The following ST7 variants were observed in gnomAD, a reference collection of about 807,000 sequenced individuals.
The protein encoded by ST7 is suppression of tumorigenicity 7, also known as suppressor of tumorigenicity 7 protein.
In ST7, 28 loss-of-function variants were observed where a neutral mutation model predicts 78.7. That is an observed-to-expected ratio of 0.36 (90% CI 0.26 to 0.49). ST7 has a LOEUF of 0.49. Ranked by LOEUF, ST7 falls within the 20% of genes least tolerant of loss-of-function variation. The pLI is 0.99. For synonymous variants in ST7, 247 were observed against 249.6 expected (o/e 0.99, Z 0.10); for missense variants, 418 against 696.0 (o/e 0.60, Z 4.49).
chr7:117,170,318 T>C (rs575313184), intron 9 of ST7, among the ~76,000 whole-genome samples: 111 of 152,344 alleles, frequency 7.3e-4, no homozygotes, highest in South Asian at 2.5e-3. Flanking sequence ...TACAAAATAA[T>C]AATTGATATG....
At chr7:117,064,673 A>G (rs1798537679) in intron 1 of ST7, among the ~76,000 whole-genome samples, 1 of 152,226 alleles carries the variant, frequency 6.6e-6, no homozygotes. Context: ...AAGCTGTTTT[A>G]TAGCAAATGT....
chr7:117,036,968 A>T (rs1441366548), intron 1 of ST7, among the ~76,000 whole-genome samples: 1 of 152,082 alleles, frequency 6.6e-6, no homozygotes. Context: ...TGTGCTTCCT[A>T]ATAAGCTTCC....
intron 1 of ST7, among the ~76,000 whole-genome samples, chr7:117,067,013 G>C (rs972386670): frequency 1.3e-5 from 2 of 151,994 alleles, no homozygotes; most frequent in African/African-American, 4.8e-5. Flanking sequence ...TTGGCCTTTT[G>C]TGAATGGCTT....
At chr7:116,982,479 C>T (rs979270610) in intron 1 of ST7, among the ~76,000 whole-genome samples, 1 of 152,170 alleles carries the variant, frequency 6.6e-6, no homozygotes, top group African/African-American at 2.4e-5. Flanking sequence ...CTGCCTCGGC[C>T]TCCCCATTTA....
rs542598687 is a variant in ST7 at position 117,021,113 on chromosome 7, G to A, written c.151+67422G>A. 2.6e-5 allele frequency among the ~76,000 whole-genome samples: 4 copies of A among 152,194 alleles called. No homozygotes were observed. The East Asian group carries it at 7.7e-4, about 29-fold the overall frequency. ...TTATAGGTAGATTCAGAATGAGTAAGAAATCGCTTTATTTTTGAGGATGGA... is the reference window on the plus strand; with the variant it reads ...TTATAGGTAGATTCAGAATGAGTAAAAAATCGCTTTATTTTTGAGGATGGA... On this transcript the variant is annotated intron_variant, in intron 1 of 15. Coordinates refer to ENST00000323984, the MANE Select transcript of ST7 (RefSeq NM_001369598.1).
chr7:117,035,032 G>A (rs899479855), intron 1 of ST7, among the ~76,000 whole-genome samples: 3 of 151,628 alleles, frequency 2.0e-5, no homozygotes, highest in Non-Finnish European at 2.9e-5. Flanking sequence ...CTGTGGTGTC[G>A]CAACATGAAT....
Position 116,979,156 on chromosome 7 carries a change from CTCCCACCCTATTAA to C in ST7, c.151+25470_151+25483del, listed in dbSNP as rs1793834565. ...GAGAAAACGCTCTGTGCCTATTTTT[CTCCCACCCTATTAA>C]TCCCCTGTTGGGGTCTTTCATTGGC... On this transcript the variant is annotated intron_variant, in intron 1 of 15. Transcript: ENST00000323984. Among the ~76,000 whole-genome samples the C allele has an allele frequency of 3.3e-5, 5 of 152,268 alleles. No individual in the cohort carries two copies. The East Asian group carries it at 9.7e-4, about 29-fold the overall frequency.
At chr7:117,168,893 T>C (rs1807765251) in intron 9 of ST7, among the ~76,000 whole-genome samples, 1 of 152,250 alleles carries the variant, frequency 6.6e-6, no homozygotes, top group Non-Finnish European at 1.5e-5. Flanking sequence ...TTTGGTATTA[T>C]TTCTCTCAGC....
intron 1 of ST7, among the ~76,000 whole-genome samples, chr7:116,988,059 C>T (rs528036333): frequency 3.9e-5 from 6 of 152,192 alleles, no homozygotes; most frequent in Non-Finnish European, 7.3e-5. Flanking sequence ...ATTTTCTAGC[C>T]AGTCCTAATA....
intron 13 of ST7, among the ~76,000 whole-genome samples, chr7:117,216,594 C>T (rs926267438): frequency 1.3e-5 from 2 of 152,094 alleles, no homozygotes; most frequent in East Asian, 1.9e-4. Flanking sequence ...GTGAAAGGGA[C>T]CAGGAGGTGG....
rs575897057 is a variant in ST7, at chr7:117,146,556, C to G, written c.963+8024C>G. The G allele has an allele frequency of 9.8e-5, 15 of 152,436 alleles. No individual in the cohort carries two copies. In the East Asian group the frequency reaches 2.9e-3, roughly 29 times the overall value. 9.4% of individuals were successfully genotyped at this position (152,436 alleles called of 1,614,324 possible). ...GCAGCAGAGAAGCGGAGGAGTCGGT[C>G]AGCAGGCTCTTGTATTAATCTTGGC... On this transcript the variant is annotated intron_variant, in intron 9 of 15. Transcript: ENST00000323984.
intron 13 of ST7, among the ~76,000 whole-genome samples, chr7:117,210,162 AT>A (rs796419647): frequency 4.6e-5 from 7 of 152,274 alleles, no homozygotes; most frequent in African/African-American, 1.7e-4. Flanking sequence ...AGTTTATATT[AT>A]AGATGGGGTG....
chr7:117,075,489 GC>G (rs1183867283), intron 1 of ST7, among the ~76,000 whole-genome samples: 2 of 152,176 alleles, frequency 1.3e-5, no homozygotes, highest in African/African-American at 4.8e-5. Context: ...GAGAAGTTCA[GC>G]CTCTCAGCAC....
chr7:117,044,524 T>C (rs1337114658), intron 1 of ST7, among the ~76,000 whole-genome samples: 1 of 152,196 alleles, frequency 6.6e-6, no homozygotes, highest in East Asian at 1.9e-4. Context: ...TTTTTAAAAA[T>C]ATTTTTAATA....
chr7:117,104,580 T>A (rs1801813554), intron 2 of ST7, among the ~76,000 whole-genome samples: 1 of 152,192 alleles, frequency 6.6e-6, no homozygotes, highest in Non-Finnish European at 1.5e-5. Context: ...AAGCTAGAAA[T>A]TGAAATAGCA....
Position 117,038,763 on chromosome 7 carries a change from G to A in ST7, c.152-60999G>A, listed in dbSNP as rs981435380. On this transcript the variant is annotated intron_variant, in intron 1 of 15. Transcript: ENST00000323984. ...AGATACACAGATATATGTAAAGGGG[G>A]GAGTGTGTGTATAAAATTTAGTGAA... Among the ~76,000 whole-genome samples, 7 of 152,296 alleles carry A rather than the reference G, an allele frequency of 4.6e-5. No homozygotes were observed. In the East Asian group the frequency reaches 7.7e-4, roughly 17 times the overall value.
At chr7:117,209,660 A>G in intron 12 of ST7, 127 bp from the exon 13 acceptor site, 1 of 1,056,350 alleles carries the variant, frequency 9.5e-7, no homozygotes, top group Non-Finnish European at 1.4e-6. Flanking sequence ...AAATGTAGTA[A>G]TGAGGTTGCA....
At chr7:117,171,062 G>A (rs1807951258) in intron 10 of ST7, 86 bp downstream of exon 10, 3 of 738,194 alleles carry the variant, frequency 4.1e-6, no homozygotes, top group East Asian at 3.0e-5. Flanking sequence ...ATTTCAAATA[G>A]CACAGCACTT....
chr7:117,197,344 A>G lies in ST7; in HGVS notation c.1254+6408A>G, dbSNP rs138182313. Among the ~76,000 whole-genome samples, 461 of 152,308 alleles carry G rather than the reference A, an allele frequency of 3.0e-3. 4 individuals carry two copies. The highest frequency in any genetic ancestry group is 0.01 in the African/African-American group (434 of 41,560). On this transcript the variant is annotated intron_variant, in intron 12 of 15. Transcript: ENST00000323984. The stretch of plus-strand genomic sequence containing the variant: ...GCGTAATCTACTTCTTGAGTCCTCC[A>G]TGGTAGATATCAAATTGACATGACG...
Sources: gnomAD v4.1 joint callset for allele counts (sites outside exome capture counted in the v4.1 genomes callset) on GRCh38, gnomAD v4.1.1 for gene constraint, MANE v1.5 for transcripts, NCBI Gene and HGNC (gene_info 2026-07-23, HGNC 2026-07-21) for gene names.